TMEM109: variants seen among roughly 807,000 people sequenced by gnomAD.
TMEM109 encodes transmembrane protein 109.
TMEM109 carries 19 observed loss-of-function variants against 26.4 expected under a neutral mutation model. That is an observed-to-expected ratio of 0.72 (90% confidence interval 0.50 to 1.06). TMEM109 has a LOEUF of 1.06. TMEM109 is among the 50% of genes least tolerant of loss of function. TMEM109 has a pLI of 0.00. For synonymous variants in TMEM109, 129 were observed against 142.0 expected, an observed-to-expected ratio of 0.91 and a Z score of 0.65; for missense variants, 262 against 303.4, an observed-to-expected ratio of 0.86 and a Z score of 1.01.
chr11:60,920,842 C>T (rs781220136), intron 2 of TMEM109, 44 bp from the exon 3 acceptor site: 25 of 1,520,110 alleles, frequency 1.6e-5, no homozygotes, highest in South Asian at 1.0e-4. Context: ...AGGCGAGGAC[C>T]GTTGTTCATT....
In TMEM109 at chr11:60,920,989, G is replaced by A; in HGVS notation, c.340+1G>A. On this transcript the variant is annotated splice_donor_variant, in intron 3 of 3. Coordinates refer to ENST00000227525, the MANE Select transcript of TMEM109 (RefSeq NM_024092.3). LOFTEE classifies it high-confidence loss of function. ...CTGCTGAATGCCTTGGGACTAGCTG[G>A]TGAGTGTTCGAGTGCTGGGTAGTCA... is the stretch of plus-strand genomic sequence containing the variant. 6.2e-7 allele frequency: 1 copy of A among 1,613,720 alleles called. No individual in the cohort carries two copies. Among genetic ancestry groups the A allele is most frequent in the South Asian group, 1.1e-5 (1 of 91,084 alleles).
At chr11:60,916,647 C>T (rs1856177717) in intron 1 of TMEM109, among the ~76,000 whole-genome samples, 1 of 152,256 alleles carries the variant, frequency 6.6e-6, no homozygotes, top group South Asian at 2.1e-4. Flanking sequence ...AAAGGATACA[C>T]TACACAATCC....
Position 60,919,894 on chromosome 11 carries a change from C to A in TMEM109, c.201C>A (p.Ala67=). The change falls in exon 2 of 4, where the codon GCC becomes GCA. Residue 67 remains alanine, a synonymous_variant. Transcript: ENST00000227525. ...IGRSVRGTLD[A]WIGPETMHLV... is the part of the protein sequence containing the mutation. ...GATCTGTGCGAGGGACACTGGATGC[C>A]TGGATTGGGCCAGAGACCATGCACC... 1.2e-6 allele frequency: 2 copies of A among 1,614,206 alleles called. No individual in the cohort carries two copies. The highest frequency in any genetic ancestry group is 2.2e-5 in the East Asian group (1 of 44,890).
chr11:60,919,567 C>T, intron 1 of TMEM109, 119 bp from the exon 2 acceptor site: 3 of 809,280 alleles, frequency 3.7e-6, no homozygotes, highest in Non-Finnish European at 6.1e-6. Flanking sequence ...CACTTTCTTT[C>T]CAGGGTTAGT....
Position 60,921,978 on chromosome 11 carries a change from C to T in TMEM109, c.545C>T (p.Pro182Leu), listed in dbSNP as rs751167037. 4 of 1,613,524 alleles carry T rather than the reference C, an allele frequency of 2.5e-6. No homozygotes were observed. The highest frequency in any genetic ancestry group is 3.4e-6 in the Non-Finnish European group (4 of 1,179,982). ...GCCCTGATGAGGTCGGTGCCTGACC[C>T]TTCCACCCGGGCCCTGCTACTCCTG... ...FVALMRSVPD[P>L]STRALLLLAL... Residue 182 changes from proline to leucine, a missense_variant, in exon 4 of 4, where the codon CCT becomes CTT. Physicochemically the swap from Pro to Leu is moderately conservative, Grantham distance 98. Transcript: ENST00000227525.
rs199887708 is a variant in TMEM109 at position 60,921,854 on chromosome 11, G to A, written c.421G>A (p.Val141Ile). The stretch of plus-strand genomic sequence containing the variant: ...GCTGTGGGGAGCAGGGGCCCTGGTC[G>A]TCTACTGGCTGCTGTCTCTGCTCCT... Reference protein sequence around the residue: ...FLLWGAGALVVYWLLSLLLGL... With the variant: ...FLLWGAGALVIYWLLSLLLGL... Residue 141 changes from valine (V) to isoleucine (I), a missense_variant, in exon 4 of 4, where the codon GTC (valine) becomes ATC (isoleucine). By Grantham distance (29) the Val-to-Ile change is conservative. Transcript: ENST00000227525. The A allele has an allele frequency of 1.3e-5, 21 of 1,614,062 alleles. No homozygotes were observed. Among genetic ancestry groups the A allele is most frequent in the South Asian group, 2.2e-5 (2 of 91,092 alleles).
chr11:60,915,645 C>A (rs549470108), intron 1 of TMEM109, among the ~76,000 whole-genome samples: 1 of 152,150 alleles, frequency 6.6e-6, no homozygotes, highest in African/African-American at 2.4e-5. Flanking sequence ...CAGTCAGAGC[C>A]GGTAGAGGGC....
Position 60,922,138 on chromosome 11 carries a change from G to A in TMEM109, c.705G>A (p.Lys235=). The part of the protein sequence containing the change: ...ELRWRQRRAA[K]GARSVEEE Reference sequence around the variant, plus strand: ...GCTGGCGCCAGAGGCGAGCGGCCAAGGGGGCCCGCAGTGTGGAGGAGGAGT... The same window carrying A: ...GCTGGCGCCAGAGGCGAGCGGCCAAAGGGGCCCGCAGTGTGGAGGAGGAGT... The change falls in exon 4 of 4, where the codon AAG becomes AAA. Residue 235 remains lysine, a synonymous_variant. Coordinates refer to ENST00000227525, the MANE Select transcript of TMEM109 (RefSeq NM_024092.3). The A allele has an allele frequency of 3.1e-6, 5 of 1,602,642 alleles. No homozygotes were observed. Among genetic ancestry groups the A allele is most frequent in the Non-Finnish European group, 4.3e-6 (5 of 1,175,062 alleles).
At position 60,921,986 on chromosome 11, in the gene TMEM109, C is replaced by T. The variant is rs1307749410; in HGVS notation, c.553C>T (p.Arg185Trp). 3 of 1,613,494 alleles carry T rather than the reference C, an allele frequency of 1.9e-6. No individual in the cohort carries two copies. Among genetic ancestry groups the T allele is most frequent in the African/African-American group, 1.3e-5 (1 of 75,058 alleles). Residue 185 changes from arginine to tryptophan, a missense_variant, in exon 4 of 4, where the codon CGG becomes TGG. Transcript: ENST00000227525. ...LMRSVPDPST[R>W]ALLLLALLIL... is the part of the protein sequence containing the mutation. Reference sequence around the variant, plus strand: ...GAGGTCGGTGCCTGACCCTTCCACCCGGGCCCTGCTACTCCTGGCCTTGCT... The same window carrying T: ...GAGGTCGGTGCCTGACCCTTCCACCTGGGCCCTGCTACTCCTGGCCTTGCT...
intron 1 of TMEM109, among the ~76,000 whole-genome samples, chr11:60,916,535 T>TA (rs1353357394): frequency 2.6e-5 from 4 of 152,154 alleles, no homozygotes; most frequent in African/African-American, 9.7e-5. Context: ...AGTGAGTCCA[T>TA]ACTGCCTGAG....
Position 60,921,821 on chromosome 11 carries a change from A to T in TMEM109, c.388A>T (p.Thr130Ser). 1.9e-6 allele frequency: 3 copies of T among 1,613,806 alleles called. 1 individual carries two copies. The South Asian group carries it at 3.3e-5, about 18-fold the overall frequency. The change falls in exon 4 of 4, where the codon ACC becomes TCC. Residue 130 changes from threonine (T) to serine (S), a missense_variant. Transcript: ENST00000227525. ...GAAGCTCAGCCCTGGCCAGGTCCAGACCTTCCTGCTGTGGGGAGCAGGGGC... is the reference window on the plus strand; with the variant it reads ...GAAGCTCAGCCCTGGCCAGGTCCAGTCCTTCCTGCTGTGGGGAGCAGGGGC... The part of the protein sequence containing the change: ...GLKLSPGQVQ[T>S]FLLWGAGALV...
rs1565116142 is a variant in TMEM109, at chr11:60,920,910, ATC to A, written c.265_266del (p.Ser89IlefsTer26). 1 of 1,614,144 alleles carries A rather than the reference ATC, an allele frequency of 6.2e-7. No homozygotes were observed. On this transcript the variant is annotated frameshift_variant, in exon 3 of 4. Transcript: ENST00000227525. LOFTEE classifies it high-confidence loss of function. ...GTCTTCGTCCCAAGTGTTGTGGGCC[ATC>A]TCATCAGCCATTTCTGTGGCCTTCT... Reference protein sequence around the residue: ...SESSSQVLWAISSAISVAFFA... With the variant: ...SESSSQVLWAXSSAISVAFFA...
intron 1 of TMEM109, among the ~76,000 whole-genome samples, chr11:60,915,515 T>G (rs1210059014): frequency 6.6e-6 from 1 of 152,226 alleles, no homozygotes; most frequent in Non-Finnish European, 1.5e-5. Context: ...TGGAAGAGTC[T>G]GAGTGAGTAG....
At chr11:60,915,750 G>A (rs1177164355) in intron 1 of TMEM109, among the ~76,000 whole-genome samples, 1 of 150,048 alleles carries the variant, frequency 6.7e-6, no homozygotes, top group Non-Finnish European at 1.5e-5. Flanking sequence ...TTGATTGGGA[G>A]GGGGGGGCGC....
At chr11:60,918,849 C>T (rs2134879411) in intron 1 of TMEM109, 1 of 152,228 alleles carries the variant, frequency 6.6e-6, no homozygotes, top group South Asian at 2.1e-4. Context: ...GTGGAACTGC[C>T]TAGGGAGCTT....
In TMEM109 at chr11:60,922,277, A is replaced by C. The variant is rs1007174957; in HGVS notation, c.*112A>C. ...TTTCTTGCCCTGTCTCTGAACCTTC[A>C]GAACATTGATCCTTGCCGCAGCCCC... On this transcript the variant is annotated 3_prime_UTR_variant, in exon 4 of 4. Transcript: ENST00000227525. The C allele has an allele frequency of 6.5e-7, 1 of 1,544,714 alleles. No homozygotes were observed. The highest frequency in any genetic ancestry group is 8.7e-7 in the Non-Finnish European group (1 of 1,146,790).
intron 2 of TMEM109, among the ~76,000 whole-genome samples, chr11:60,920,177 G>A (rs1261700362): frequency 6.6e-6 from 1 of 152,198 alleles, no homozygotes; most frequent in Non-Finnish European, 1.5e-5. Flanking sequence ...GCTGGGAAAT[G>A]AGCCATCTTT....
In TMEM109 at chr11:60,922,647, T is replaced by TA; in HGVS notation, c.*482_*483insA. ...TGTACTCCCACCAAACCATGGTCCT[T>TA]TAAGGCACGCTCCTGTCCTCCTCAT... On this transcript the variant is annotated 3_prime_UTR_variant, in exon 4 of 4. Coordinates refer to ENST00000227525, the MANE Select transcript of TMEM109 (RefSeq NM_024092.3). 3.0e-6 allele frequency: 1 copy of TA among 332,892 alleles called. No homozygotes were observed. The highest frequency in any genetic ancestry group is 6.0e-6 in the Non-Finnish European group (1 of 167,580). The allele number at this position is 332,892 out of a possible 1,614,324, so 20.6% of individuals were successfully genotyped here. A position where few individuals can be genotyped will look rare whatever the true frequency, so the allele number is the denominator to read the frequency against.
rs1005243104 is a variant in TMEM109 at position 60,922,588 on chromosome 11, C to T, written c.*423C>T. 2 of 370,842 alleles carry T rather than the reference C, an allele frequency of 5.4e-6. No homozygotes were observed. The highest frequency in any genetic ancestry group is 1.0e-5 in the Non-Finnish European group (2 of 192,278). 23.0% of individuals were successfully genotyped at this position (370,842 alleles called of 1,614,324 possible). A position where few individuals can be genotyped will look rare whatever the true frequency, so the allele number is the denominator to read the frequency against. Reference sequence around the variant, plus strand: ...TGAAGTTGCTCCTTGGCCAAATCTCCAGCTCCCTTCTTGTTTTCCTCATCC... The same window carrying T: ...TGAAGTTGCTCCTTGGCCAAATCTCTAGCTCCCTTCTTGTTTTCCTCATCC... On this transcript the variant is annotated 3_prime_UTR_variant, in exon 4 of 4. Coordinates refer to ENST00000227525, the MANE Select transcript of TMEM109 (RefSeq NM_024092.3).
Sources: allele counts gnomAD v4.1 joint callset (sites outside exome capture counted in the v4.1 genomes callset), GRCh38; gene constraint gnomAD v4.1.1; transcripts MANE v1.5; gene names NCBI Gene and HGNC (gene_info 2026-07-23, HGNC 2026-07-21).